ANAPC1: variants seen among roughly 807,000 people sequenced by gnomAD.
ANAPC1 encodes the protein anaphase promoting complex subunit 1, also known as anaphase-promoting complex subunit 1.
A neutral mutation model predicts 208.0 loss-of-function variants in ANAPC1; 36 were observed. The ratio of observed to expected loss-of-function variants is 0.17; its 90% CI spans 0.13 to 0.23. The LOEUF (loss-of-function observed/expected upper bound fraction) is 0.23, where lower values mean the gene tolerates loss of function less well. Ranked by LOEUF, ANAPC1 falls within the 10% of genes least tolerant of loss-of-function variation. The pLI is 1.00. For missense variants in ANAPC1, 942 were observed against 2,011.6 expected (o/e 0.47, Z 10.17); for synonymous variants, 378 against 695.2 (o/e 0.54, Z 7.18).
chr2:111,874,246 A>T (rs1439792829), intron 3 of ANAPC1, among the ~76,000 whole-genome samples: 3 of 152,158 alleles, frequency 2.0e-5, no homozygotes, highest in African/African-American at 4.8e-5. Flanking sequence ...GTTTTTTTTT[A>T]AACTGTGGTC....
intron 18 of ANAPC1, 78 bp downstream of exon 18, chr2:111,838,360 T>C: frequency 1.0e-5 from 12 of 1,154,090 alleles, no homozygotes; most frequent in East Asian, 2.7e-5. Flanking sequence ...GAGGAATTGA[T>C]AGGAATACCA....
intron 34 of ANAPC1, among the ~76,000 whole-genome samples, chr2:111,800,490 C>T (rs1337949718): frequency 3.9e-5 from 5 of 128,014 alleles, no homozygotes; most frequent in African/African-American, 1.5e-4. Context: ...ACAAAAATAT[C>T]AACACTTTTT....
intron 21 of ANAPC1, among the ~76,000 whole-genome samples, chr2:111,828,904 A>G (rs1420375610): frequency 6.6e-6 from 1 of 152,196 alleles, no homozygotes; most frequent in East Asian, 1.9e-4. Flanking sequence ...ATTCAACGCC[A>G]CTGGATTGTA....
At chr2:111,875,567 C>A (rs578081456) in intron 3 of ANAPC1, among the ~76,000 whole-genome samples, 2 of 152,162 alleles carry the variant, frequency 1.3e-5, no homozygotes, top group Admixed American at 6.5e-5. Context: ...AAATAGTGCC[C>A]CTGACAACAG....
At chr2:111,833,556 C>T (rs1680299213) in intron 19 of ANAPC1, among the ~76,000 whole-genome samples, 1 of 151,692 alleles carries the variant, frequency 6.6e-6, no homozygotes, top group Admixed American at 6.6e-5. Context: ...CTAGTTCCTC[C>T]TCTGCTATTA....
intron 18 of ANAPC1, among the ~76,000 whole-genome samples, chr2:111,836,696 T>C (rs1003096914): frequency 5.9e-5 from 9 of 151,384 alleles, no homozygotes; most frequent in African/African-American, 1.9e-4. Flanking sequence ...GGGCCCGGCA[T>C]GGTGGCTCAC....
rs181805984 is a variant in ANAPC1, at chr2:111,831,148, T to C, written c.2625+138A>G. 346 of 628,924 alleles carry C rather than the reference T, an allele frequency of 5.5e-4. 4 individuals carry two copies. In the Middle Eastern group the frequency reaches 9.5e-3, roughly 17 times the overall value. The allele number at this position is 628,924 out of a possible 1,614,324, so 39.0% of individuals were successfully genotyped here. On this transcript the variant is annotated intron_variant, in intron 21 of 47. Coordinates refer to ENST00000341068, the MANE Select transcript of ANAPC1 (RefSeq NM_022662.4). ...GTGATGTAAATGTTCTATATCCTCA[T>C]TGTAGTAATTACATGAATCTATACA...
At chr2:111,881,818 G>A (rs1238482319) in intron 1 of ANAPC1, among the ~76,000 whole-genome samples, 18 of 152,144 alleles carry the variant, frequency 1.2e-4, no homozygotes, top group Non-Finnish European at 2.2e-4. Context: ...ATGAGAATGT[G>A]GTTTATCTCT....
chr2:111,858,487 G>A (rs1317714131), intron 10 of ANAPC1, 86 bp from the exon 11 acceptor site: 128 of 1,106,962 alleles, frequency 1.2e-4, no homozygotes, highest in African/African-American at 2.6e-4. Flanking sequence ...GAGGCCGGGC[G>A]CGGTGGCTCA....
intron 5 of ANAPC1, chr2:111,872,981 C>T (rs1466895449): frequency 2.0e-6 from 1 of 488,518 alleles, no homozygotes. Context: ...TAACAATAGC[C>T]CTAGGCATTA....
At chr2:111,839,007 C>T (rs1680622478) in intron 17 of ANAPC1, among the ~76,000 whole-genome samples, 1 of 152,226 alleles carries the variant, frequency 6.6e-6, no homozygotes, top group African/African-American at 2.4e-5. Flanking sequence ...CCTGAACCCA[C>T]AGCCAGACTA....
rs921825461 is a variant in ANAPC1 at position 111,850,910 on chromosome 2, C to T, written c.1516G>A (p.Val506Met). The T allele has an allele frequency of 1.3e-6, 2 of 1,587,932 alleles. No individual in the cohort carries two copies. The highest frequency in any genetic ancestry group is 1.7e-6 in the Non-Finnish European group (2 of 1,173,972). ...AGTCCAGGAATAAAAACCTTTCCCA[C>T]CTTTAAGCAATAAAAACATGTGGAA... ...NLVLYTGVVR[V>M]GKVFIPGLPA... Residue 506 changes from valine to methionine, a missense_variant and splice_region_variant, in exon 14 of 48, where the codon GTG (valine) becomes ATG (methionine). Physicochemically the swap from Val to Met is conservative, Grantham distance 21. Transcript: ENST00000341068.
At chr2:111,851,733 C>G (rs1216815138) in intron 13 of ANAPC1, among the ~76,000 whole-genome samples, 1 of 151,566 alleles carries the variant, frequency 6.6e-6, no homozygotes, top group Non-Finnish European at 1.5e-5. Context: ...TGGTGTGAAC[C>G]CGGCAGGCAG....
intron 34 of ANAPC1, among the ~76,000 whole-genome samples, chr2:111,795,371 G>A: frequency 6.8e-6 from 1 of 146,640 alleles, no homozygotes. Flanking sequence ...GATAGAGTGA[G>A]ACTCCATCTC....
At chr2:111,830,033 G>A (rs569948012) in intron 21 of ANAPC1, among the ~76,000 whole-genome samples, 16 of 152,152 alleles carry the variant, frequency 1.1e-4, no homozygotes, top group African/African-American at 2.9e-4. Flanking sequence ...TCACTCCACT[G>A]CACTCTAGCC....
chr2:111,831,811 A>T (rs1290185308), intron 20 of ANAPC1, among the ~76,000 whole-genome samples: 2 of 120,244 alleles, frequency 1.7e-5, no homozygotes. Context: ...TAAGAGACAG[A>T]GCGAGACTCT....
At chr2:111,870,866 T>C (rs1354299575) in intron 6 of ANAPC1, among the ~76,000 whole-genome samples, 1 of 152,148 alleles carries the variant, frequency 6.6e-6, no homozygotes, top group Non-Finnish European at 1.5e-5. Flanking sequence ...GACTTTTGTA[T>C]AAGGTGAGAG....
At position 111,864,922 on chromosome 2, in the gene ANAPC1, C is replaced by T; in HGVS notation, c.715G>A (p.Val239Ile). Residue 239 changes from valine (V) to isoleucine (I), a missense_variant, in exon 8 of 48, where the codon GTT becomes ATT. Physicochemically the swap from Val to Ile is conservative, Grantham distance 29 (BLOSUM62 3). Coordinates refer to ENST00000341068, the MANE Select transcript of ANAPC1 (RefSeq NM_022662.4). ...ACAATTTTCATTGCATGATCTACAA[C>T]ATATTGCACCCGTGATGAACCAAAA... ...SLFGSSRVQY[V>I]VDHAMKIVFL... The T allele has an allele frequency of 1.9e-6, 3 of 1,611,522 alleles. No homozygotes were observed. Among genetic ancestry groups the T allele is most frequent in the East Asian group, 4.5e-5 (2 of 44,852 alleles).
chr2:111,842,180 T>C (rs1427732931), intron 17 of ANAPC1, among the ~76,000 whole-genome samples: 2 of 152,206 alleles, frequency 1.3e-5, no homozygotes, highest in Admixed American at 1.3e-4. Context: ...ATGATGGAGA[T>C]ATTTTAGAAA....
Sources: gnomAD v4.1 joint callset for allele counts (sites outside exome capture counted in the v4.1 genomes callset) on GRCh38, gnomAD v4.1.1 for gene constraint, MANE v1.5 for transcripts, NCBI Gene and HGNC (gene_info 2026-07-23, HGNC 2026-07-21) for gene names.